The following ITGB4 variants were observed in gnomAD, a reference collection of about 807,000 sequenced individuals.
ITGB4 encodes the protein integrin subunit beta 4, also known as integrin beta-4.
In ITGB4, 159 loss-of-function variants were observed where a neutral mutation model predicts 207.6. That is an observed-to-expected ratio of 0.77 (90% CI 0.67 to 0.87). ITGB4 has a LOEUF of 0.87. ITGB4 is among the 40% of genes least tolerant of loss of function. The pLI, the probability that ITGB4 is intolerant of heterozygous loss-of-function variation, is 0.00. For missense variants in ITGB4, 2,278 were observed against 2,546.8 expected (o/e 0.89, Z 2.27); for synonymous variants, 1,020 against 1,062.7 (o/e 0.96, Z 0.78).
Position 75,730,523 on chromosome 17 carries a change from A to G in ITGB4, c.1002+19A>G. Reference sequence around the variant, plus strand: ...CTACGAGGTGCGGGGCCCAGGTCCCACGGGTGGGAGGTGGTCAAGGTAGGG... The same window carrying G: ...CTACGAGGTGCGGGGCCCAGGTCCCGCGGGTGGGAGGTGGTCAAGGTAGGG... On this transcript the variant is annotated intron_variant, in intron 8 of 39. Transcript: ENST00000200181. 6.2e-7 allele frequency: 1 copy of G among 1,612,862 alleles called. No individual in the cohort carries two copies. The highest frequency in any genetic ancestry group is 8.5e-7 in the Non-Finnish European group (1 of 1,179,936).
chr17:75,724,752 T>C lies in ITGB4; in HGVS notation c.49T>C (p.Leu17=), dbSNP rs763352982. ...ATGGGCCAGGCTGCTCCTGGCAGCC[T>C]TGATCAGCGTCAGCCTCTCTGGGAC... The part of the protein sequence containing the change: ...SPWARLLLAA[L]ISVSLSGTLA... Residue 17 remains leucine, a synonymous_variant, in exon 2 of 40, where the codon TTG becomes CTG. Coordinates refer to ENST00000200181, the MANE Select transcript of ITGB4 (RefSeq NM_000213.5). 22 of 1,613,786 alleles carry C rather than the reference T, an allele frequency of 1.4e-5. No homozygotes were observed. In the South Asian group the frequency reaches 2.3e-4, roughly 17 times the overall value.
chr17:75,737,762 C>A, intron 18 of ITGB4, 118 bp downstream of exon 18: 1 of 865,530 alleles, frequency 1.2e-6, no homozygotes, highest in Non-Finnish European at 1.9e-6. Flanking sequence ...CCAGGGTCCC[C>A]AACCCCTTCC....
Position 75,739,948 on chromosome 17 carries a change from G to T in ITGB4, c.2323G>T (p.Asp775Tyr). 1 of 1,613,318 alleles carries T rather than the reference G, an allele frequency of 6.2e-7. No homozygotes were observed. Among genetic ancestry groups the T allele is most frequent in the Non-Finnish European group, 8.5e-7 (1 of 1,180,030 alleles). ...GAACCTGATGGCCTCTGACCACTTG[G>T]ACACGCCCATGCTGCGCAGCGGGAA... ...RENLMASDHL[D>Y]TPMLRSGNLK... The change falls in exon 20 of 40, where the codon GAC becomes TAC. Residue 775 changes from aspartate to tyrosine, a missense_variant. Asp to Tyr is a radical substitution (Grantham distance 160). Coordinates refer to ENST00000200181, the MANE Select transcript of ITGB4 (RefSeq NM_000213.5). This position sits in a 1 kb window ranked among gnomAD's most constrained non-coding sequence, Gnocchi z 5.4.
At chr17:75,748,379 C>G (rs1217544734) in intron 26 of ITGB4, among the ~76,000 whole-genome samples, 1 of 146,292 alleles carries the variant, frequency 6.8e-6, no homozygotes, top group Non-Finnish European at 1.5e-5. Context: ...AACAAACAAA[C>G]AGAAACGTGG....
In ITGB4 at chr17:75,750,138, A is replaced by G. The variant is rs1370523668; in HGVS notation, c.3344A>G (p.Gln1115Arg). 2 of 1,613,652 alleles carry G rather than the reference A, an allele frequency of 1.2e-6. No individual in the cohort carries two copies. Among genetic ancestry groups the G allele is most frequent in the African/African-American group, 2.7e-5 (2 of 74,928 alleles). Residue 1115 changes from glutamine to arginine, a missense_variant, in exon 28 of 40, where the codon CAG (glutamine) becomes CGG (arginine). Physicochemically the swap from Gln to Arg is conservative, Grantham distance 43 (BLOSUM62 1). Coordinates refer to ENST00000200181, the MANE Select transcript of ITGB4 (RefSeq NM_000213.5). The surrounding 1 kb of genome is among the most constrained non-coding windows in gnomAD (Gnocchi z 5.5). The part of the protein sequence containing the change: ...PDELDRSFTS[Q>R]MLSSQPPPHG... ...GAACTGGACCGGAGCTTCACGAGTC[A>G]GATGTTGTCATCACAGCCACCCCCT...
intron 26 of ITGB4, among the ~76,000 whole-genome samples, chr17:75,748,062 A>G (rs988686187): frequency 6.6e-6 from 1 of 152,090 alleles, no homozygotes; most frequent in Non-Finnish European, 1.5e-5. Context: ...AAGCTCAGGC[A>G]TGCTCCACGG....
chr17:75,725,232 C>T (rs1006028012), intron 2 of ITGB4, among the ~76,000 whole-genome samples: 4 of 152,176 alleles, frequency 2.6e-5, no homozygotes, highest in African/African-American at 7.2e-5. Context: ...AAATAGACCA[C>T]GACAGAAATG....
rs121912461 is a variant in ITGB4, at chr17:75,727,853, T to C, written c.467T>C (p.Leu156Pro). 1 of 1,613,498 alleles carries C rather than the reference T, an allele frequency of 6.2e-7. No individual in the cohort carries two copies. The highest frequency in any genetic ancestry group is 8.5e-7 in the Non-Finnish European group (1 of 1,179,818). ...LDNLKKMGQN[L>P]ARVLSQLTSD... Reference sequence around the variant, plus strand: ...AACCTCAAGAAGATGGGGCAGAACCTGGGTACGGCAGGGCCAGAGTGGAGG... The same window carrying C: ...AACCTCAAGAAGATGGGGCAGAACCCGGGTACGGCAGGGCCAGAGTGGAGG... The change falls in exon 5 of 40, where the codon CTG becomes CCG. Residue 156 changes from leucine to proline, a missense_variant and splice_region_variant. Transcript: ENST00000200181. The surrounding 1 kb of genome is among the most constrained non-coding windows in gnomAD (Gnocchi z 6.0).
chr17:75,748,926 A>G lies in ITGB4; in HGVS notation c.3197A>G (p.Glu1066Gly). The change falls in exon 27 of 40, where the codon GAA (glutamate) becomes GGA (glycine). Residue 1066 changes from glutamate (E) to glycine (G), a missense_variant. Transcript: ENST00000200181. ...CAGGTGAAGCTCCTGGAGCTGCAAGAAGTTGACTCCCTCCTGCGGGGCCGC... is the reference window on the plus strand; with the variant it reads ...CAGGTGAAGCTCCTGGAGCTGCAAGGAGTTGACTCCCTCCTGCGGGGCCGC... The part of the protein sequence containing the change: ...ELQVKLLELQ[E>G]VDSLLRGRQV... The G allele has an allele frequency of 1.9e-6, 3 of 1,613,348 alleles. No homozygotes were observed. The highest frequency in any genetic ancestry group is 2.5e-6 in the Non-Finnish European group (3 of 1,179,958).
rs1482604760 is a variant in ITGB4, at chr17:75,750,101, G to A, written c.3317-10G>A. ...CTGAGTGGTTGCCCGGCCCCAACCT[G>A]ACCCGTTAGATGAACTGGACCGGAG... On this transcript the variant is annotated splice_polypyrimidine_tract_variant and intron_variant, in intron 27 of 39. Coordinates refer to ENST00000200181, the MANE Select transcript of ITGB4 (RefSeq NM_000213.5). The surrounding 1 kb of genome is among the most constrained non-coding windows in gnomAD (Gnocchi z 5.5). 1.9e-5 allele frequency: 30 copies of A among 1,613,502 alleles called. No individual in the cohort carries two copies. The highest frequency in any genetic ancestry group is 1.6e-4 in the Middle Eastern group (1 of 6,062).
chr17:75,748,071 G>A (rs73368082), intron 26 of ITGB4, among the ~76,000 whole-genome samples: 1,794 of 152,006 alleles, frequency 0.012, 28 homozygotes, highest in African/African-American at 0.04. Flanking sequence ...CATGCTCCAC[G>A]GCACTGAAAG....
chr17:75,721,580 C>T lies in ITGB4; in HGVS notation c.-43C>T, dbSNP rs1400351173. ...CGCCCCGAGGTAGGTCCAGGACGGG[C>T]GCACAGCAGCAGCCGAGGCTGGCCG... On this transcript the variant is annotated 5_prime_UTR_variant, in exon 1 of 40. Coordinates refer to ENST00000200181, the MANE Select transcript of ITGB4 (RefSeq NM_000213.5). The T allele has an allele frequency of 1.3e-5, 2 of 152,372 alleles. No individual in the cohort carries two copies. Among genetic ancestry groups the T allele is most frequent in the Non-Finnish European group, 2.9e-5 (2 of 68,302 alleles). 9.4% of individuals were successfully genotyped at this position (152,372 alleles called of 1,614,324 possible).
chr17:75,753,521 C>G (rs1204392791), intron 32 of ITGB4, among the ~76,000 whole-genome samples: 1 of 152,180 alleles, frequency 6.6e-6, no homozygotes, highest in Non-Finnish European at 1.5e-5. Flanking sequence ...CCGGGGGTCT[C>G]TCCTCCCCAG....
rs1396775506 is a variant in ITGB4 at position 75,736,070 on chromosome 17, G to T, written c.1677G>T (p.Met559Ile). 1 of 1,614,086 alleles carries T rather than the reference G, an allele frequency of 6.2e-7. No homozygotes were observed. The highest frequency in any genetic ancestry group is 1.1e-5 in the South Asian group (1 of 91,080). The change falls in exon 14 of 40, where the codon ATG becomes ATT. Residue 559 changes from methionine (M) to isoleucine (I), a missense_variant. Coordinates refer to ENST00000200181, the MANE Select transcript of ITGB4 (RefSeq NM_000213.5). ...FLCNDRGRCS[M>I]GQCVCEPGWT... ...CTGCAGACCGAGGACGCTGCTCCATGGGCCAGTGTGTGTGTGAGCCTGGTT... is the reference window on the plus strand; with the variant it reads ...CTGCAGACCGAGGACGCTGCTCCATTGGCCAGTGTGTGTGTGAGCCTGGTT...
chr17:75,737,510 C>T (rs371722158), intron 17 of ITGB4, 28 bp from the exon 18 acceptor site: 42 of 1,555,412 alleles, frequency 2.7e-5, no homozygotes, highest in Non-Finnish European at 3.4e-5. Flanking sequence ...AGGACAGGCA[C>T]CACCTCCCCC....
chr17:75,752,171 C>T lies in ITGB4; in HGVS notation c.3794-3C>T. 6.2e-7 allele frequency: 1 copy of T among 1,613,936 alleles called. No individual in the cohort carries two copies. The highest frequency in any genetic ancestry group is 8.5e-7 in the Non-Finnish European group (1 of 1,179,982). On this transcript the variant is annotated splice_region_variant and splice_polypyrimidine_tract_variant and intron_variant, in intron 30 of 39. Transcript: ENST00000200181. The stretch of plus-strand genomic sequence containing the variant: ...ACCCTCTGAAGCACTCTCTCTGCCC[C>T]AGGACCTATTGGGCCCATGAAGAAA...
In ITGB4 at chr17:75,731,093, C is replaced by T. The variant is rs1023139808; in HGVS notation, c.1092+129C>T. 7.7e-6 allele frequency: 11 copies of T among 1,425,426 alleles called. No individual in the cohort carries two copies. The highest frequency in any genetic ancestry group is 1.4e-5 in the African/African-American group (1 of 70,618). 88.3% of individuals were successfully genotyped at this position (1,425,426 alleles called of 1,614,324 possible). ...GGGACAGACCAGTGAGGAAGGGTCT[C>T]TAGCTATCCCTGAGGCCCCGAGGGG... On this transcript the variant is annotated intron_variant, in intron 9 of 39. Transcript: ENST00000200181. This position sits in a 1 kb window ranked among gnomAD's most constrained non-coding sequence, Gnocchi z 6.8.
chr17:75,736,589 C>T lies in ITGB4; in HGVS notation c.1885C>T (p.Leu629=), dbSNP rs746093000. The change falls in exon 16 of 40, where the codon CTA becomes TTA. Residue 629 remains leucine (L), a synonymous_variant. Coordinates refer to ENST00000200181, the MANE Select transcript of ITGB4 (RefSeq NM_000213.5). Reference sequence around the variant, plus strand: ...GATCCACCCGGGCCTCTGCGAGGACCTACGCTCCTGCGTGCAGTGCCAGGC... The same window carrying T: ...GATCCACCCGGGCCTCTGCGAGGACTTACGCTCCTGCGTGCAGTGCCAGGC... ...SAIHPGLCED[L]RSCVQCQAWG... 5 of 1,601,912 alleles carry T rather than the reference C, an allele frequency of 3.1e-6. No individual in the cohort carries two copies. The highest frequency in any genetic ancestry group is 2.2e-5 in the East Asian group (1 of 44,502).
Position 75,736,681 on chromosome 17 carries a change from C to A in ITGB4, c.1977C>A (p.Asp659Glu). 1 of 1,595,832 alleles carries A rather than the reference C, an allele frequency of 6.3e-7. No individual in the cohort carries two copies. Among genetic ancestry groups the A allele is most frequent in the Non-Finnish European group, 8.5e-7 (1 of 1,172,640 alleles). Residue 659 changes from aspartate (D) to glutamate (E), a missense_variant, in exon 16 of 40, where the codon GAC becomes GAA. Physicochemically the swap from Asp to Glu is conservative, Grantham distance 45. Coordinates refer to ENST00000200181, the MANE Select transcript of ITGB4 (RefSeq NM_000213.5). ...GCAACTTCAAGGTCAAGATGGTGGACGAGCTTAAGAGAGGTAGGGGCAGGG... is the reference window on the plus strand; with the variant it reads ...GCAACTTCAAGGTCAAGATGGTGGAAGAGCTTAAGAGAGGTAGGGGCAGGG... ...EECNFKVKMV[D>E]ELKRAEEVVV...
Sources: allele counts gnomAD v4.1 joint callset (sites outside exome capture counted in the v4.1 genomes callset), GRCh38; gene constraint gnomAD v4.1.1; non-coding constraint Gnocchi (gnomAD v3.1); transcripts MANE v1.5; gene names NCBI Gene and HGNC (gene_info 2026-07-23, HGNC 2026-07-21).